The following SETBP1 variants were observed in gnomAD, a reference collection of about 807,000 sequenced individuals.
The protein encoded by SETBP1 is SET binding protein 1.
In SETBP1, 9 loss-of-function variants were observed where a neutral mutation model predicts 101.0. That is an observed-to-expected ratio of 0.09 (90% CI 0.05 to 0.16). The LOEUF is 0.16. SETBP1 is among the 10% of genes least tolerant of loss of function. The pLI, the probability that SETBP1 is intolerant of heterozygous loss-of-function variation, is 1.00. For missense variants in SETBP1, 1,858 were observed against 2,033.8 expected (o/e 0.91, Z 1.66); for synonymous variants, 818 against 788.5 (o/e 1.04, Z -0.63).
chr18:44,942,955 T>A (rs1187222092), intron 3 of SETBP1, among the ~76,000 whole-genome samples: 1 of 152,168 alleles, frequency 6.6e-6, no homozygotes, highest in African/African-American at 2.4e-5. Context: ...AATATGAGGA[T>A]GGGTTCAGTT....
rs145316922 is a variant in SETBP1, at chr18:44,921,922, G to A, written c.541-27959G>A. ...AAGGAACTCCACAACTCATGTCACA[G>A]GCATGTAGGATCTTTTGTGATGAGA... On this transcript the variant is annotated intron_variant, in intron 3 of 5. Coordinates refer to ENST00000649279, the MANE Select transcript of SETBP1 (RefSeq NM_015559.3). Among the ~76,000 whole-genome samples, 450 of 152,288 alleles carry A rather than the reference G, an allele frequency of 3.0e-3. 5 individuals are homozygous for A. Among genetic ancestry groups the A allele is most frequent in the African/African-American group, 0.01 (431 of 41,562 alleles).
At chr18:44,948,935 T>A (rs933140223) in intron 3 of SETBP1, among the ~76,000 whole-genome samples, 6 of 152,204 alleles carry the variant, frequency 3.9e-5, no homozygotes, top group Non-Finnish European at 8.8e-5. Context: ...AGAATCAATG[T>A]AGGGGAAACA....
At chr18:44,810,807 A>G (rs1485578324) in intron 2 of SETBP1, among the ~76,000 whole-genome samples, 1 of 152,198 alleles carries the variant, frequency 6.6e-6, no homozygotes, top group Non-Finnish European at 1.5e-5. Flanking sequence ...AAATATTAAA[A>G]AAGAGATTTT....
chr18:44,942,060 G>C (rs930715746), intron 3 of SETBP1, among the ~76,000 whole-genome samples: 1 of 152,100 alleles, frequency 6.6e-6, no homozygotes, highest in African/African-American at 2.4e-5. Context: ...AAAGAGTTTT[G>C]ACTTTTGTTC....
chr18:44,871,760 C>T (rs1413191281), intron 3 of SETBP1: 2 of 152,148 alleles, frequency 1.3e-5, no homozygotes, highest in African/African-American at 4.8e-5. Context: ...GATGTTCATT[C>T]CTGGAAATAA....
At chr18:44,935,536 G>C (rs1350537303) in intron 3 of SETBP1, among the ~76,000 whole-genome samples, 2 of 152,156 alleles carry the variant, frequency 1.3e-5, no homozygotes, top group East Asian at 3.9e-4. Flanking sequence ...CTGAGACAAA[G>C]CTGAACAATT....
At chr18:44,693,470 A>G (rs1214828834) in intron 1 of SETBP1, among the ~76,000 whole-genome samples, 1 of 152,196 alleles carries the variant, frequency 6.6e-6, no homozygotes, top group East Asian at 1.9e-4. Flanking sequence ...CTGGTTTGCG[A>G]TGCTCAGGGA....
At chr18:45,020,258 T>TAAAAAAAAAAAAAAA (rs57134217) in intron 4 of SETBP1, among the ~76,000 whole-genome samples, 3 of 53,086 alleles carry the variant, frequency 5.7e-5, no homozygotes, top group African/African-American at 7.4e-5. Context: ...GACTCTGTCT[T>TAAAAAAAAAAAAAAA]AAAAAAAAAA....
chr18:44,940,267 G>T (rs1264806552), intron 3 of SETBP1, among the ~76,000 whole-genome samples: 5 of 152,070 alleles, frequency 3.3e-5, no homozygotes, highest in Non-Finnish European at 5.9e-5. Flanking sequence ...TGTATTTAAA[G>T]TGTATCTCCT....
chr18:44,848,299 A>G (rs1378429163), intron 2 of SETBP1, among the ~76,000 whole-genome samples: 2 of 152,092 alleles, frequency 1.3e-5, no homozygotes, highest in Non-Finnish European at 2.9e-5. Flanking sequence ...TACAGATATT[A>G]TTACAATTGA....
intron 2 of SETBP1, among the ~76,000 whole-genome samples, chr18:44,859,153 G>A (rs760251963): frequency 6.6e-6 from 1 of 152,224 alleles, no homozygotes; most frequent in Non-Finnish European, 1.5e-5. Flanking sequence ...AATGTTCATA[G>A]CAGTGTATAG....
At chr18:44,849,796 G>T (rs781649711) in intron 2 of SETBP1, among the ~76,000 whole-genome samples, 1 of 152,248 alleles carries the variant, frequency 6.6e-6, no homozygotes, top group Non-Finnish European at 1.5e-5. Flanking sequence ...TGGAATTACG[G>T]TGTCTATTCA....
intron 3 of SETBP1, among the ~76,000 whole-genome samples, chr18:44,929,636 G>C (rs551819449): frequency 1.3e-5 from 2 of 152,244 alleles, no homozygotes; most frequent in East Asian, 3.9e-4. Flanking sequence ...AGTTCTCCTT[G>C]AAGAGGTCCT....
intron 5 of SETBP1, among the ~76,000 whole-genome samples, chr18:45,055,253 TAA>T (rs1432883734): frequency 6.6e-6 from 1 of 152,180 alleles, no homozygotes; most frequent in South Asian, 2.1e-4. Context: ...AGGACAACTT[TAA>T]AGCAGTGGGC....
At chr18:44,876,415 G>T (rs1355713028) in intron 3 of SETBP1, 2 of 604,310 alleles carry the variant, frequency 3.3e-6, no homozygotes, top group Non-Finnish European at 5.8e-6. Flanking sequence ...TCCCAGCCTT[G>T]GCTGCAGACA....
intron 2 of SETBP1, among the ~76,000 whole-genome samples, chr18:44,732,053 G>T (rs1188445841): frequency 6.6e-6 from 1 of 152,142 alleles, no homozygotes; most frequent in African/African-American, 2.4e-5. Context: ...CATGTTCTCA[G>T]TTTTTGTGTT....
At position 44,806,789 on chromosome 18, in the gene SETBP1, G is replaced by A. The variant is rs929052579; in HGVS notation, c.487-62441G>A. 7.3e-5 allele frequency among the ~76,000 whole-genome samples: 11 copies of A among 150,918 alleles called. 1 individual carries two copies. In the South Asian group the frequency reaches 1.1e-3, roughly 14 times the overall value. Reference sequence around the variant, plus strand: ...TGGACTCAAGCAATCCTCCAACCTCGGCCTTTTAAATAGCTGGAACTACAG... The same window carrying A: ...TGGACTCAAGCAATCCTCCAACCTCAGCCTTTTAAATAGCTGGAACTACAG... On this transcript the variant is annotated intron_variant, in intron 2 of 5. Transcript: ENST00000649279.
At chr18:45,021,553 T>C (rs1241031559) in intron 4 of SETBP1, among the ~76,000 whole-genome samples, 1 of 152,198 alleles carries the variant, frequency 6.6e-6, no homozygotes, top group African/African-American at 2.4e-5. Flanking sequence ...TTTTCATAAT[T>C]GGAGAATGAG....
At chr18:44,925,366 C>T (rs1377167200) in intron 3 of SETBP1, among the ~76,000 whole-genome samples, 1 of 152,172 alleles carries the variant, frequency 6.6e-6, no homozygotes, top group African/African-American at 2.4e-5. Flanking sequence ...ACCCACTCAA[C>T]TCACAGACTC....
Sources: allele counts gnomAD v4.1 joint callset (sites outside exome capture counted in the v4.1 genomes callset), GRCh38; gene constraint gnomAD v4.1.1; transcripts MANE v1.5; gene names NCBI Gene and HGNC (gene_info 2026-07-23, HGNC 2026-07-21).